The following MYO16 variants were observed in gnomAD, a reference collection of about 807,000 sequenced individuals.
MYO16 encodes the protein myosin XVI, also known as unconventional myosin-XVI.
A neutral mutation model predicts 205.3 loss-of-function variants in MYO16; 94 were observed. The ratio of observed to expected loss-of-function variants is 0.46; its 90% CI spans 0.39 to 0.54. MYO16 has a LOEUF of 0.54. Ranked by LOEUF, MYO16 falls within the 20% of genes least tolerant of loss-of-function variation. MYO16 has a pLI of 0.00. For synonymous variants in MYO16, 988 were observed against 954.0 expected, an observed-to-expected ratio of 1.04 and a Z score of -0.66; for missense variants, 2,315 against 2,387.5, an observed-to-expected ratio of 0.97 and a Z score of 0.63.
chr13:108,593,435 G>T (rs1878456198), upstream of MYO16, among the ~76,000 whole-genome samples: 2 of 152,144 alleles, frequency 1.3e-5, no homozygotes, highest in Non-Finnish European at 2.9e-5. Context: ...CTGCTCTCAA[G>T]ACCGCAGTGT....
chr13:109,097,200 G>C (rs185340560), intron 27 of MYO16, among the ~76,000 whole-genome samples: 27 of 152,162 alleles, frequency 1.8e-4, no homozygotes, highest in Non-Finnish European at 4.4e-5. Context: ...GTGGTGGCGG[G>C]CACCATTAAT....
the MYO16 span, among the ~76,000 whole-genome samples, chr13:108,525,053 A>T: frequency 6.6e-6 from 1 of 152,188 alleles, no homozygotes; most frequent in Non-Finnish European, 1.5e-5. Flanking sequence ...GAAATAAGAG[A>T]GTGAAGTGTC....
intron 14 of MYO16, among the ~76,000 whole-genome samples, chr13:108,889,312 G>A (rs372960428): frequency 7.9e-5 from 12 of 152,138 alleles, no homozygotes; most frequent in South Asian, 2.1e-4. Context: ...AAATATGACC[G>A]TGATTCAAGG....
intron 31 of MYO16, among the ~76,000 whole-genome samples, chr13:109,128,929 G>C (rs910327140): frequency 6.6e-6 from 1 of 151,774 alleles, no homozygotes; most frequent in African/African-American, 2.4e-5. Flanking sequence ...CTGCCACCAC[G>C]CCCAGCTAAT....
rs1196701102 is a variant in MYO16 at position 109,022,161 on chromosome 13, A to T, written c.2796+2250A>T. Reference sequence around the variant, plus strand: ...TATATATTTATATATACAAATTTATATATACAAATATATATTTATATATTA... The same window carrying T: ...TATATATTTATATATACAAATTTATTTATACAAATATATATTTATATATTA... On this transcript the variant is annotated intron_variant, in intron 23 of 34. Coordinates refer to ENST00000457511, the MANE Select transcript of MYO16 (RefSeq NM_001198950.3). 6.5e-5 allele frequency among the ~76,000 whole-genome samples: 9 copies of T among 137,622 alleles called. 1 individual carries two copies. The highest frequency in any genetic ancestry group is 2.6e-4 in the African/African-American group (9 of 34,364). 90.3% of individuals were successfully genotyped at this position (137,622 alleles called of 152,430 possible).
chr13:108,504,006 T>C, the MYO16 span, among the ~76,000 whole-genome samples: 1 of 152,218 alleles, frequency 6.6e-6, no homozygotes, highest in Non-Finnish European at 1.5e-5. Flanking sequence ...TTTTTTTAAA[T>C]TGTGGTAAAA....
rs1594421013 is a variant in MYO16 at position 108,952,353 on chromosome 13, G to A, written c.1926-5335G>A. 5.9e-5 allele frequency among the ~76,000 whole-genome samples: 9 copies of A among 152,248 alleles called. 3 individuals carry two copies. The highest frequency in any genetic ancestry group is 5.9e-4 in the Admixed American group (9 of 15,294). ...TTGCAGGAAACTCCTAAGCTTGAGA[G>A]ACACTGGGCTCAGGGGCAAGACGGG... is the stretch of plus-strand genomic sequence containing the variant. On this transcript the variant is annotated intron_variant, in intron 16 of 34. Coordinates refer to ENST00000457511, the MANE Select transcript of MYO16 (RefSeq NM_001198950.3).
intron 4 of MYO16, among the ~76,000 whole-genome samples, chr13:108,752,029 C>A (rs528909903): frequency 6.6e-6 from 1 of 152,120 alleles, no homozygotes; most frequent in East Asian, 1.9e-4. Context: ...TGTAGTAGTT[C>A]ATTAATTATA....
At chr13:109,122,982 T>A (rs982463046) in intron 29 of MYO16, among the ~76,000 whole-genome samples, 1 of 152,254 alleles carries the variant, frequency 6.6e-6, no homozygotes, top group Non-Finnish European at 1.5e-5. Context: ...CTTTTAGTTT[T>A]AAATTTAATC....
chr13:108,646,976 T>G (rs978995769), intron 1 of MYO16, among the ~76,000 whole-genome samples: 1 of 152,156 alleles, frequency 6.6e-6, no homozygotes, highest in Non-Finnish European at 1.5e-5. Context: ...ACTATATATA[T>G]GTACTCTGAT....
chr13:108,841,275 C>T (rs1877226103), intron 9 of MYO16, among the ~76,000 whole-genome samples: 2 of 152,220 alleles, frequency 1.3e-5, no homozygotes, highest in Non-Finnish European at 2.9e-5. Context: ...CAGATATGGT[C>T]AATTGATTTT....
chr13:108,768,189 T>C (rs973348527), intron 4 of MYO16, among the ~76,000 whole-genome samples: 3 of 152,188 alleles, frequency 2.0e-5, no homozygotes, highest in Non-Finnish European at 4.4e-5. Context: ...CGTTTGAATC[T>C]TTTCCTACCG....
At position 108,806,663 on chromosome 13, in the gene MYO16, T is replaced by C; in HGVS notation, c.742-16T>C. ...TACTTTAAAAAAATGAATAATAAGA[T>C]GTCTCTTCGCTGCAGTTACACATGG... On this transcript the variant is annotated splice_polypyrimidine_tract_variant and intron_variant, in intron 6 of 34. Transcript: ENST00000457511. The C allele has an allele frequency of 6.2e-7, 1 of 1,610,048 alleles. No homozygotes were observed. The highest frequency in any genetic ancestry group is 8.5e-7 in the Non-Finnish European group (1 of 1,177,080).
chr13:109,078,302 G>A (rs1396691464), intron 27 of MYO16, among the ~76,000 whole-genome samples: 1 of 151,836 alleles, frequency 6.6e-6, no homozygotes, highest in Non-Finnish European at 1.5e-5. Context: ...TACTAGGCAT[G>A]GTGGCGCACA....
chr13:109,030,615 A>G (rs899854254), intron 23 of MYO16, among the ~76,000 whole-genome samples: 3 of 152,142 alleles, frequency 2.0e-5, no homozygotes, highest in African/African-American at 7.2e-5. Context: ...AATATTGATG[A>G]TGTTTCTCAG....
intron 34 of MYO16, among the ~76,000 whole-genome samples, chr13:109,183,477 G>C (rs1291683085): frequency 2.0e-5 from 3 of 152,156 alleles, no homozygotes; most frequent in African/African-American, 7.2e-5. Context: ...TTACACATCT[G>C]TTTAGGGGTC....
rs547754066 is a variant in MYO16 at position 108,939,460 on chromosome 13, T to C, written c.1926-18228T>C. Among the ~76,000 whole-genome samples the C allele has an allele frequency of 4.6e-5, 7 of 152,300 alleles. No individual in the cohort carries two copies. In the South Asian group the frequency reaches 1.5e-3, roughly 32 times the overall value. ...TTGCTGGTATCCTCCTCTCCAGGAT[T>C]TGGGGTGTCTTCACAATTCTGCTAG... On this transcript the variant is annotated intron_variant, in intron 16 of 34. Coordinates refer to ENST00000457511, the MANE Select transcript of MYO16 (RefSeq NM_001198950.3).
intron 1 of MYO16, among the ~76,000 whole-genome samples, chr13:108,653,989 T>A (rs1881129458): frequency 6.6e-6 from 1 of 152,098 alleles, no homozygotes; most frequent in South Asian, 2.1e-4. Flanking sequence ...ATCATTCCAA[T>A]CCACTTTGCT....
intron 4 of MYO16, among the ~76,000 whole-genome samples, chr13:108,738,291 T>C (rs953715640): frequency 6.6e-6 from 1 of 152,244 alleles, no homozygotes; most frequent in African/African-American, 2.4e-5. Context: ...AATTTCCCTC[T>C]ACACGCTGCT....
Sources: allele counts gnomAD v4.1 joint callset (sites outside exome capture counted in the v4.1 genomes callset), GRCh38; gene constraint gnomAD v4.1.1; transcripts MANE v1.5; gene names NCBI Gene and HGNC (gene_info 2026-07-23, HGNC 2026-07-21).